The following SGCD variants were observed in gnomAD, a reference collection of about 807,000 sequenced individuals.
SGCD encodes the protein sarcoglycan delta.
In SGCD, 18 loss-of-function variants were observed where a neutral mutation model predicts 36.6. The ratio of observed to expected loss-of-function variants is 0.49; its 90% confidence interval spans 0.34 to 0.73. The LOEUF is 0.73. SGCD is among the 30% of genes least tolerant of loss of function. The pLI is 0.01. For missense variants in SGCD, 387 were observed against 346.7 expected, an observed-to-expected ratio of 1.12 and a Z score of -0.92; for synonymous variants, 133 against 130.6, an observed-to-expected ratio of 1.02 and a Z score of -0.12.
intron 7 of SGCD, among the ~76,000 whole-genome samples, 198 bp from the exon 8 acceptor site, chr5:156,757,383 T>C (rs1757379271): frequency 6.6e-6 from 1 of 150,920 alleles, no homozygotes; most frequent in African/African-American, 2.4e-5. Flanking sequence ...CCTTACAGCC[T>C]TTGTAAAATG....
chr5:156,575,149 A>G (rs1184994608), intron 4 of SGCD, among the ~76,000 whole-genome samples: 1 of 152,296 alleles, frequency 6.6e-6, no homozygotes, highest in Non-Finnish European at 1.5e-5. Flanking sequence ...CTGTATTGCT[A>G]TCTGTGCCAT....
chr5:156,558,868 G>A (rs1253064389), intron 4 of SGCD, among the ~76,000 whole-genome samples: 1 of 152,164 alleles, frequency 6.6e-6, no homozygotes, highest in Non-Finnish European at 1.5e-5. Context: ...ATGGTTCTGA[G>A]TAAAAAGACG....
intron 7 of SGCD, among the ~76,000 whole-genome samples, chr5:156,728,675 C>T (rs898619901): frequency 1.3e-5 from 2 of 151,892 alleles, no homozygotes; most frequent in African/African-American, 4.8e-5. Flanking sequence ...TATTTCTTAG[C>T]CAAAAGATAA....
At chr5:156,123,026 T>A (rs1762083481) in intron 2 of SGCD, among the ~76,000 whole-genome samples, 1 of 152,038 alleles carries the variant, frequency 6.6e-6, no homozygotes, top group African/African-American at 2.4e-5. Context: ...AAAATTGCCA[T>A]TGACTGAGAA....
the SGCD span, among the ~76,000 whole-genome samples, chr5:155,830,976 A>G: frequency 6.6e-6 from 1 of 152,204 alleles, no homozygotes; most frequent in Admixed American, 6.5e-5. Context: ...AATTCATTAA[A>G]TGCTTGTTAC....
At chr5:156,310,238 T>A (rs114610864) in intron 3 of SGCD, among the ~76,000 whole-genome samples, 1 of 152,184 alleles carries the variant, frequency 6.6e-6, no homozygotes, top group African/African-American at 2.4e-5. Context: ...AAAAGAAATA[T>A]AAAGTTGGTG....
chr5:155,855,867 T>A, the SGCD span, among the ~76,000 whole-genome samples: 2 of 152,106 alleles, frequency 1.3e-5, no homozygotes, highest in Admixed American at 1.3e-4. Context: ...AGAGAGAGGA[T>A]AATCCAGAGA....
At chr5:155,759,416 T>A in the SGCD span, among the ~76,000 whole-genome samples, 3 of 152,242 alleles carry the variant, frequency 2.0e-5, no homozygotes, top group Non-Finnish European at 4.4e-5. Flanking sequence ...CTTTCTGAAA[T>A]GTAACTTTCT....
At chr5:155,790,339 G>T in the SGCD span, among the ~76,000 whole-genome samples, 1 of 151,988 alleles carries the variant, frequency 6.6e-6, no homozygotes, top group Admixed American at 6.6e-5. Flanking sequence ...CTTCTTGACT[G>T]CTTTTATGAA....
chr5:155,881,323 T>TAAATAAAGAAAGAAAGAAAG (rs942789932), intron 1 of SGCD, among the ~76,000 whole-genome samples: 40 of 151,400 alleles, frequency 2.6e-4, no homozygotes, highest in African/African-American at 9.3e-4. Context: ...AATAAATAAA[T>TAAATAAAGAAAGAAAGAAAG]AAAGAATATA....
the SGCD span, among the ~76,000 whole-genome samples, chr5:155,845,996 G>A: frequency 2.0e-5 from 3 of 152,196 alleles, no homozygotes; most frequent in Non-Finnish European, 4.4e-5. Context: ...AACTTGAGAA[G>A]AAAGGAACTT....
chr5:156,668,382 C>T (rs989918062), intron 7 of SGCD, among the ~76,000 whole-genome samples: 7 of 152,160 alleles, frequency 4.6e-5, no homozygotes, highest in African/African-American at 1.7e-4. Flanking sequence ...AATTTAACTA[C>T]ATATTTCATT....
In SGCD at chr5:156,761,265, T is replaced by C. The variant is rs1339321966; in HGVS notation, c.*1875T>C. ...AAGTAGATGGTGGGGGACAGCGGCG[T>C]GGGTCCTAGCCTGGCCAGTGATGCT... is the stretch of plus-strand genomic sequence containing the variant. On this transcript the variant is annotated 3_prime_UTR_variant, in exon 9 of 9. Coordinates refer to ENST00000337851, the MANE Select transcript of SGCD (RefSeq NM_000337.6). 3 of 152,228 alleles carry C rather than the reference T, an allele frequency of 2.0e-5. No homozygotes were observed. The highest frequency in any genetic ancestry group is 4.4e-5 in the Non-Finnish European group (3 of 68,080). The allele number at this position is 152,228 out of a possible 1,614,324, so 9.4% of individuals were successfully genotyped here.
At chr5:156,098,976 C>T (rs935934905) in intron 1 of SGCD, among the ~76,000 whole-genome samples, 24 of 152,144 alleles carry the variant, frequency 1.6e-4, no homozygotes, top group Non-Finnish European at 1.0e-4. Context: ...TTGGGTTTGC[C>T]AGATGTTGTC....
intron 1 of SGCD, among the ~76,000 whole-genome samples, chr5:155,940,775 G>A (rs1038563561): frequency 5.9e-5 from 9 of 152,014 alleles, no homozygotes; most frequent in Admixed American, 1.3e-4. Context: ...AACTCAGAAG[G>A]CAGAGGTTGC....
chr5:155,867,105 C>A (rs981043731), upstream of SGCD, among the ~76,000 whole-genome samples: 1 of 152,032 alleles, frequency 6.6e-6, no homozygotes, highest in Non-Finnish European at 1.5e-5. Context: ...AAGAGTCTGG[C>A]CTTGATTCAA....
intron 3 of SGCD, among the ~76,000 whole-genome samples, chr5:156,189,938 T>C (rs1249428071): frequency 2.0e-5 from 3 of 152,170 alleles, no homozygotes; most frequent in Non-Finnish European, 2.9e-5. Flanking sequence ...TGGCTATTCA[T>C]TGGGTAGCAA....
intron 1 of SGCD, among the ~76,000 whole-genome samples, chr5:155,953,358 T>C (rs1757580644): frequency 6.6e-6 from 1 of 152,178 alleles, no homozygotes; most frequent in South Asian, 2.1e-4. Context: ...TTTTGGTAAG[T>C]AAAGTCTTAC....
chr5:156,671,552 G>T (rs577389400), intron 7 of SGCD, among the ~76,000 whole-genome samples: 2 of 152,122 alleles, frequency 1.3e-5, no homozygotes, highest in Non-Finnish European at 2.9e-5. Flanking sequence ...GGGATTACAG[G>T]CATGAGCCAC....
Sources: gnomAD v4.1 joint callset for allele counts (sites outside exome capture counted in the v4.1 genomes callset) on GRCh38, gnomAD v4.1.1 for gene constraint, MANE v1.5 for transcripts, NCBI Gene and HGNC (gene_info 2026-07-23, HGNC 2026-07-21) for gene names.